Variants in RYR2 observed in about 807,000 individuals in gnomAD.
RYR2 encodes the protein cardiac muscle ryanodine receptor-calcium release channel.
RYR2 carries 227 observed loss-of-function variants against 601.1 expected under a neutral mutation model. The ratio of observed to expected loss-of-function variants is 0.38; its 90% CI spans 0.34 to 0.42. RYR2 has a LOEUF of 0.42. Among genes scored for constraint, RYR2 ranks in the 10% least tolerant of loss-of-function variants. The probability of loss-of-function intolerance (pLI) is 1.00; values close to 1 mark genes in which losing one functional copy is unlikely to be tolerated. For missense variants in RYR2, 4,646 were observed against 6,156.5 expected, an observed-to-expected ratio of 0.75 and a Z score of 8.21; for synonymous variants, 2,223 against 2,175.1, an observed-to-expected ratio of 1.02 and a Z score of -0.61.
intron 86 of RYR2, 46 bp from the exon 87 acceptor site, chr1:237,773,474 T>C (rs372423973): frequency 2.1e-6 from 3 of 1,459,760 alleles, no homozygotes; most frequent in Non-Finnish European, 2.9e-6. Context: ...CAATGGTAAC[T>C]TTAGAATGTG....
chr1:237,412,035 C>T (rs1421292942), intron 10 of RYR2, among the ~76,000 whole-genome samples: 1 of 151,872 alleles, frequency 6.6e-6, no homozygotes, highest in African/African-American at 2.4e-5. Context: ...CTATGAAGAA[C>T]TCGTAAGGAT....
chr1:237,101,548 T>C (rs1668109040), intron 1 of RYR2, among the ~76,000 whole-genome samples: 1 of 152,218 alleles, frequency 6.6e-6, no homozygotes, highest in South Asian at 2.1e-4. Flanking sequence ...CTCTCGATCT[T>C]ACAAGAGCAA....
rs1296368657 is a variant in RYR2 at position 237,152,846 on chromosome 1, A to C, written c.48+110277A>C. 2.0e-5 allele frequency among the ~76,000 whole-genome samples: 3 copies of C among 152,240 alleles called. No individual in the cohort carries two copies. In the South Asian group the frequency reaches 6.2e-4, roughly 31 times the overall value. ...CTAAAGAGCCTGTGGACAGCAAAAG[A>C]AACTATCATCAGAGCAAACAGGCAA... On this transcript the variant is annotated intron_variant, in intron 1 of 104. Transcript: ENST00000366574.
intron 98 of RYR2, among the ~76,000 whole-genome samples, chr1:237,803,410 T>TCTC (rs753014830): frequency 2.0e-4 from 30 of 152,132 alleles, no homozygotes; most frequent in East Asian, 1.7e-3. Context: ...TTCACACCAT[T>TCTC]CTGCCTCAGC....
At position 237,503,281 on chromosome 1, in the gene RYR2, C is replaced by T. The variant is rs961036573; in HGVS notation, c.2397-8C>T. On this transcript the variant is annotated splice_region_variant and splice_polypyrimidine_tract_variant and intron_variant, in intron 21 of 104. Coordinates refer to ENST00000366574, the MANE Select transcript of RYR2 (RefSeq NM_001035.3). ...GATAAAATTGACTCTAACGTGCATC[C>T]TCTTTAGAGTACGCTTTCTGCTTGG... 6.3e-7 allele frequency: 1 copy of T among 1,594,054 alleles called. No homozygotes were observed. Among genetic ancestry groups the T allele is most frequent in the South Asian group, 1.1e-5 (1 of 88,622 alleles).
At position 237,665,653 on chromosome 1, in the gene RYR2, A is replaced by G. The variant is rs76628850; in HGVS notation, c.8437-859A>G. On this transcript the variant is annotated intron_variant, in intron 56 of 104. Transcript: ENST00000366574. Reference sequence around the variant, plus strand: ...GGTTTGAACAGTGTCCTCATGGTGAAAGGCACAGAAGCCAGGGTGCTGTCA... The same window carrying G: ...GGTTTGAACAGTGTCCTCATGGTGAGAGGCACAGAAGCCAGGGTGCTGTCA... Among the ~76,000 whole-genome samples, 202 of 152,330 alleles carry G rather than the reference A, an allele frequency of 1.3e-3. 1 individual carries two copies. Among genetic ancestry groups the G allele is most frequent in the South Asian group, 4.8e-3 (23 of 4,828 alleles).
intron 31 of RYR2, 34 bp from the exon 32 acceptor site, chr1:237,591,705 T>A: frequency 6.6e-7 from 1 of 1,506,980 alleles, no homozygotes; most frequent in Non-Finnish European, 9.2e-7. Context: ...AACATTTTAA[T>A]GTTGCTTATT....
At chr1:237,127,939 G>A (rs1239841169) in intron 1 of RYR2, among the ~76,000 whole-genome samples, 4 of 151,628 alleles carry the variant, frequency 2.6e-5, no homozygotes, top group Non-Finnish European at 4.4e-5. Context: ...CATCCCAGAC[G>A]ATGGGCGGCC....
intron 10 of RYR2, among the ~76,000 whole-genome samples, chr1:237,413,077 T>C (rs1287149782): frequency 1.3e-5 from 2 of 152,144 alleles, no homozygotes; most frequent in East Asian, 3.9e-4. Context: ...TTTAAGATCT[T>C]GATATTGTGG....
rs533154671 is a variant in RYR2, at chr1:237,788,885, G to A, written c.13476+750G>A. ...TTGAAAGGCCTTTATTAACATGCATGTGTAATGTCACATGTATACACATAT... is the reference window on the plus strand; with the variant it reads ...TTGAAAGGCCTTTATTAACATGCATATGTAATGTCACATGTATACACATAT... On this transcript the variant is annotated intron_variant, in intron 92 of 104. Coordinates refer to ENST00000366574, the MANE Select transcript of RYR2 (RefSeq NM_001035.3). Among the ~76,000 whole-genome samples, 40 of 152,080 alleles carry A rather than the reference G, an allele frequency of 2.6e-4. 1 individual carries two copies. Among genetic ancestry groups the A allele is most frequent in the African/African-American group, 9.4e-4 (39 of 41,524 alleles).
intron 1 of RYR2, among the ~76,000 whole-genome samples, chr1:237,256,490 T>A (rs1473333047): frequency 6.6e-6 from 1 of 152,148 alleles, no homozygotes; most frequent in East Asian, 1.9e-4. Context: ...AGTCATCACC[T>A]TCTTGCCTGC....
intron 1 of RYR2, among the ~76,000 whole-genome samples, chr1:237,218,813 G>A (rs1382719821): frequency 2.0e-5 from 3 of 151,952 alleles, no homozygotes; most frequent in African/African-American, 7.3e-5. Context: ...GAACAAGCTG[G>A]GGAGTCAGAG....
At chr1:237,379,182 A>T (rs147192051) in intron 8 of RYR2, among the ~76,000 whole-genome samples, 1 of 152,194 alleles carries the variant, frequency 6.6e-6, no homozygotes, top group Non-Finnish European at 1.5e-5. Flanking sequence ...TTATACACAT[A>T]CTTTATTTAG....
At chr1:237,414,612 A>G (rs961803212) in intron 10 of RYR2, among the ~76,000 whole-genome samples, 2 of 152,254 alleles carry the variant, frequency 1.3e-5, no homozygotes, top group African/African-American at 2.4e-5. Flanking sequence ...TACACACAGT[A>G]TAGAATGATC....
At chr1:237,619,719 A>T (rs976143118) in intron 38 of RYR2, among the ~76,000 whole-genome samples, 2 of 152,136 alleles carry the variant, frequency 1.3e-5, no homozygotes, top group Non-Finnish European at 2.9e-5. Flanking sequence ...TAAAGAAATG[A>T]CACTACCTAC....
intron 3 of RYR2, among the ~76,000 whole-genome samples, chr1:237,351,271 C>A (rs1361970980): frequency 1.3e-5 from 2 of 151,902 alleles, no homozygotes; most frequent in Non-Finnish European, 2.9e-5. Flanking sequence ...ACTGAATAAT[C>A]AGTTATCTAA....
intron 44 of RYR2, among the ~76,000 whole-genome samples, chr1:237,637,857 C>T (rs1681037806): frequency 6.6e-6 from 1 of 152,128 alleles, no homozygotes; most frequent in Non-Finnish European, 1.5e-5. Context: ...TCTTGGCCCA[C>T]CCAGACAGAC....
chr1:237,667,817 A>G, intron 57 of RYR2, 66 bp from the exon 58 acceptor site: 2 of 1,140,610 alleles, frequency 1.8e-6, no homozygotes, highest in Non-Finnish European at 2.5e-6. Flanking sequence ...ATCTAATATT[A>G]TATATTAGAA....
At chr1:237,252,883 G>A (rs1011707387) in intron 1 of RYR2, among the ~76,000 whole-genome samples, 5 of 152,052 alleles carry the variant, frequency 3.3e-5, no homozygotes, top group Admixed American at 3.3e-4. Flanking sequence ...ATAAAATAAT[G>A]GTTGGGCACA....
Sources: gnomAD v4.1 joint callset for allele counts (sites outside exome capture counted in the v4.1 genomes callset) on GRCh38, gnomAD v4.1.1 for gene constraint, MANE v1.5 for transcripts, NCBI Gene and HGNC (gene_info 2026-07-23, HGNC 2026-07-21) for gene names.